The following SLC35A3 variants were observed in gnomAD, a reference collection of about 807,000 sequenced individuals.
The protein encoded by SLC35A3 is UDP-N-acetylglucosamine transporter.
Under a neutral mutation model 39.0 loss-of-function variants are expected in SLC35A3, and 26 were observed. The ratio of observed to expected loss-of-function variants is 0.67; its 90% CI spans 0.49 to 0.92. SLC35A3 has a LOEUF of 0.92. Among genes scored for constraint, SLC35A3 ranks in the 40% least tolerant of loss-of-function variants. The probability of loss-of-function intolerance (pLI) is 0.00; values close to 1 mark genes in which losing one functional copy is unlikely to be tolerated. For synonymous variants in SLC35A3, 135 were observed against 133.1 expected (o/e 1.01, Z -0.10); for missense variants, 299 against 371.6 (o/e 0.80, Z 1.61).
Position 100,032,776 on chromosome 1 carries a change from A to C in SLC35A3, c.*10300A>C, listed in dbSNP as rs1272053878. The C allele has an allele frequency of 2.0e-5, 3 of 151,812 alleles. No homozygotes were observed. Among genetic ancestry groups the C allele is most frequent in the Non-Finnish European group, 2.9e-5 (2 of 67,970 alleles). 9.4% of individuals were successfully genotyped at this position (151,812 alleles called of 1,614,324 possible). On this transcript the variant is annotated 3_prime_UTR_variant, in exon 8 of 8. Transcript: ENST00000533028. ...TGGCCAGGCTGGTCTTGAACTCCTG[A>C]CCTCGTGATCCACCCGCCTCGGCCT... is the stretch of plus-strand genomic sequence containing the variant.
chr1:100,028,662 A>G lies in SLC35A3; in HGVS notation c.*6186A>G, dbSNP rs577597917. On this transcript the variant is annotated 3_prime_UTR_variant, in exon 8 of 8. Transcript: ENST00000533028. ...CTTTCTTACTGTTCTTAAAAAGAGA[A>G]TTCCTTTAAGGCAGGACCGATTACA... 1 of 152,298 alleles carries G rather than the reference A, an allele frequency of 6.6e-6. No homozygotes were observed. The highest frequency in any genetic ancestry group is 2.1e-4 in the South Asian group (1 of 4,820). The allele number at this position is 152,298 out of a possible 1,614,324, so 9.4% of individuals were successfully genotyped here.
chr1:99,983,068 A>G (rs1007251809), intron 1 of SLC35A3, among the ~76,000 whole-genome samples: 1 of 152,202 alleles, frequency 6.6e-6, no homozygotes, highest in Non-Finnish European at 1.5e-5. Flanking sequence ...TAATTATACA[A>G]TAGTTGATTA....
At chr1:99,997,577 A>G (rs1159380185) in intron 2 of SLC35A3, among the ~76,000 whole-genome samples, 1 of 146,846 alleles carries the variant, frequency 6.8e-6, no homozygotes, top group African/African-American at 2.5e-5. Context: ...TTATTTATTT[A>G]TTTATTTTAC....
chr1:99,975,147 C>T (rs1657042157), intron 1 of SLC35A3: 2 of 152,008 alleles, frequency 1.3e-5, no homozygotes, highest in African/African-American at 4.8e-5. Context: ...CACCATGTTG[C>T]CCAGGATGGT....
At chr1:99,982,112 C>T (rs1657490704) in intron 1 of SLC35A3, among the ~76,000 whole-genome samples, 1 of 148,684 alleles carries the variant, frequency 6.7e-6, no homozygotes, top group Non-Finnish European at 1.5e-5. Context: ...TCAAGTGATT[C>T]TCGTGCCTCA....
At chr1:99,988,980 C>CA (rs1042477738) in intron 1 of SLC35A3, among the ~76,000 whole-genome samples, 2 of 152,004 alleles carry the variant, frequency 1.3e-5, no homozygotes, top group African/African-American at 4.8e-5. Flanking sequence ...AGGCTGGTCT[C>CA]AAACTCCTGG....
At chr1:99,986,880 G>A (rs375049912) in intron 1 of SLC35A3, among the ~76,000 whole-genome samples, 3 of 152,158 alleles carry the variant, frequency 2.0e-5, no homozygotes, top group Middle Eastern at 3.2e-3. Flanking sequence ...GAGCCACCAC[G>A]CCTGGCCTAA....
rs756106534 is a variant in SLC35A3 at position 100,017,735 on chromosome 1, A to G, written c.807A>G (p.Leu269=). The change falls in exon 7 of 8, where the codon TTA becomes TTG. Residue 269 remains leucine, a synonymous_variant. Transcript: ENST00000533028. ...TTATTAAGTATGCAGATAATATTTTAAAAGGATTTGCAACCTCTTTATCGA... is the reference window on the plus strand; with the variant it reads ...TTATTAAGTATGCAGATAATATTTTGAAAGGATTTGCAACCTCTTTATCGA... ...AAVIKYADNI[L]KGFATSLSII... 1.3e-6 allele frequency: 2 copies of G among 1,579,048 alleles called. No individual in the cohort carries two copies. The highest frequency in any genetic ancestry group is 1.7e-6 in the Non-Finnish European group (2 of 1,163,296).
chr1:99,971,318 T>C (rs1309184416), intron 1 of SLC35A3, among the ~76,000 whole-genome samples: 1 of 151,958 alleles, frequency 6.6e-6, no homozygotes, highest in Non-Finnish European at 1.5e-5. Context: ...TTCTTTTTTT[T>C]TTTTTTTAGA....
At chr1:100,017,438 A>G (rs1034979783) in intron 6 of SLC35A3, among the ~76,000 whole-genome samples, 2 of 152,240 alleles carry the variant, frequency 1.3e-5, no homozygotes, top group Non-Finnish European at 2.9e-5. Context: ...AATATGGTCA[A>G]AGTCCATTAT....
At chr1:99,979,503 G>T (rs141047016) in intron 1 of SLC35A3, among the ~76,000 whole-genome samples, 1,518 of 149,356 alleles carry the variant, frequency 0.01, 11 homozygotes, top group Middle Eastern at 0.017. Context: ...GCGTGATCTC[G>T]GCTCACTGCA....
In SLC35A3 at chr1:100,026,314, T is replaced by C. The variant is rs1236861915; in HGVS notation, c.*3838T>C. 2 of 152,192 alleles carry C rather than the reference T, an allele frequency of 1.3e-5. No homozygotes were observed. The highest frequency in any genetic ancestry group is 2.9e-5 in the Non-Finnish European group (2 of 68,012). 9.4% of individuals were successfully genotyped at this position (152,192 alleles called of 1,614,324 possible). On this transcript the variant is annotated 3_prime_UTR_variant, in exon 8 of 8. Coordinates refer to ENST00000533028, the MANE Select transcript of SLC35A3 (RefSeq NM_012243.3). The stretch of plus-strand genomic sequence containing the variant: ...GTATGCTTTACATAAAAAAGGTTTA[T>C]AAAAGTTATTTATGCTATATTGAAA...
At chr1:100,007,206 A>C in intron 4 of SLC35A3, 50 bp downstream of exon 4, 1 of 1,468,680 alleles carries the variant, frequency 6.8e-7, no homozygotes, top group Non-Finnish European at 9.3e-7. Flanking sequence ...TGGTTTCAAA[A>C]CCTTATTTAT....
rs1660964152 is a variant in SLC35A3, at chr1:100,027,295, A to G, written c.*4819A>G. On this transcript the variant is annotated 3_prime_UTR_variant, in exon 8 of 8. Transcript: ENST00000533028. The stretch of plus-strand genomic sequence containing the variant: ...AGCCTTGTTTCTACAAAAAATCTTA[A>G]AAATAAAATTAGCCAATATGTGGGC... 2.5e-6 allele frequency: 1 copy of G among 396,928 alleles called. No homozygotes were observed. Among genetic ancestry groups the G allele is most frequent in the African/African-American group, 2.1e-5 (1 of 48,584 alleles). The allele number at this position is 396,928 out of a possible 1,614,324, so 24.6% of individuals were successfully genotyped here.
At chr1:99,972,834 C>T (rs545359231) in intron 1 of SLC35A3, among the ~76,000 whole-genome samples, 9 of 152,224 alleles carry the variant, frequency 5.9e-5, no homozygotes, top group Admixed American at 3.3e-4. Flanking sequence ...TGTTTTAGTA[C>T]CTCATTTGAT....
rs1458701092 is a variant in SLC35A3 at position 100,028,659 on chromosome 1, A to G, written c.*6183A>G. ...GGTCTTTCTTACTGTTCTTAAAAAGAGAATTCCTTTAAGGCAGGACCGATT... is the reference window on the plus strand; with the variant it reads ...GGTCTTTCTTACTGTTCTTAAAAAGGGAATTCCTTTAAGGCAGGACCGATT... On this transcript the variant is annotated 3_prime_UTR_variant, in exon 8 of 8. Transcript: ENST00000533028. The G allele has an allele frequency of 3.9e-5, 6 of 152,234 alleles. No individual in the cohort carries two copies. Among genetic ancestry groups the G allele is most frequent in the Non-Finnish European group, 8.8e-5 (6 of 68,048 alleles). The allele number at this position is 152,234 out of a possible 1,614,324, so 9.4% of individuals were successfully genotyped here.
chr1:99,978,710 AG>A (rs139821418), intron 1 of SLC35A3, among the ~76,000 whole-genome samples: 2,045 of 152,318 alleles, frequency 0.013, 18 homozygotes, highest in Middle Eastern at 0.058. Context: ...GTTTTCTATG[AG>A]AAGATTACTA....
chr1:99,981,569 T>C (rs949518987), intron 1 of SLC35A3, among the ~76,000 whole-genome samples: 5 of 152,090 alleles, frequency 3.3e-5, no homozygotes, highest in Non-Finnish European at 7.4e-5. Flanking sequence ...AACCTCCTCC[T>C]CCCAGGTTCA....
At chr1:100,000,722 T>C (rs1396681892) in intron 3 of SLC35A3, 2 of 152,196 alleles carry the variant, frequency 1.3e-5, no homozygotes. Context: ...AATTTTAGTA[T>C]GTTTGCTGCT....
Sources: allele counts gnomAD v4.1 joint callset (sites outside exome capture counted in the v4.1 genomes callset), GRCh38; gene constraint gnomAD v4.1.1; transcripts MANE v1.5; gene names NCBI Gene and HGNC (gene_info 2026-07-23, HGNC 2026-07-21).